DVL1: variants seen among roughly 807,000 people sequenced by gnomAD.
DVL1 encodes the protein segment polarity protein dishevelled homolog DVL-1.
DVL1 carries 49 observed loss-of-function variants against 65.0 expected under a neutral mutation model. The observed-to-expected ratio is 0.75, with a 90% CI of 0.60 to 0.96. DVL1 has a LOEUF of 0.96. DVL1 is among the 40% of genes least tolerant of loss of function. The pLI, the probability that DVL1 is intolerant of heterozygous loss-of-function variation, is 0.00. For missense variants in DVL1, 1,197 were observed against 1,045.4 expected (o/e 1.15, Z -2.00); for synonymous variants, 608 against 433.9 (o/e 1.40, Z -4.99).
At chr1:1,348,826 C>A in intron 1 of DVL1, 70 bp downstream of exon 1, 1 of 1,361,810 alleles carries the variant, frequency 7.3e-7, no homozygotes, top group South Asian at 1.5e-5. Flanking sequence ...GACCCCCGCC[C>A]CGTCCCCGCG....
intron 14 of DVL1, 43 bp from the exon 15 acceptor site, chr1:1,336,558 G>A (rs749563084): frequency 4.0e-6 from 6 of 1,481,506 alleles, no homozygotes; most frequent in East Asian, 4.8e-5. Flanking sequence ...GTCAGCACCA[G>A]GCCCGGCCAC....
rs1643755369 is a variant in DVL1, at chr1:1,340,415, C to T, written c.694G>A (p.Asp232Asn). 6.2e-7 allele frequency: 1 copy of T among 1,610,232 alleles called. No homozygotes were observed. The change falls in exon 6 of 15, where the codon GAC becomes AAC. Residue 232 changes from aspartate (D) to asparagine (N), a missense_variant. Coordinates refer to ENST00000378888, the MANE Select transcript of DVL1 (RefSeq NM_001330311.2). Reference sequence around the variant, plus strand: ...TGCTCCACCCGGCTGCCTACCCGGTCCGCCTGCCGAAGGCGCTGCTTCCTC... The same window carrying T: ...TGCTCCACCCGGCTGCCTACCCGGTTCGCCTGCCGAAGGCGCTGCTTCCTC... ...RRRKQRLRQADRASSFSSITD... is the reference protein window; with the variant it reads ...RRRKQRLRQANRASSFSSITD...
chr1:1,344,757 G>A (rs1557672980), intron 1 of DVL1, among the ~76,000 whole-genome samples: 1 of 152,178 alleles, frequency 6.6e-6, no homozygotes, highest in Non-Finnish European at 1.5e-5. Context: ...AACCCAGGGT[G>A]AGGCGGGCCC....
intron 1 of DVL1, among the ~76,000 whole-genome samples, chr1:1,348,543 T>C (rs1240114737): frequency 6.6e-6 from 1 of 152,052 alleles, no homozygotes; most frequent in African/African-American, 2.4e-5. Context: ...CCTGCTTCCT[T>C]CCCACTGACA....
rs147874931 is a variant in DVL1, at chr1:1,340,350, G to C, written c.700-34C>G. 8.1e-6 allele frequency: 13 copies of C among 1,613,658 alleles called. No homozygotes were observed. In the East Asian group the frequency reaches 8.9e-5, roughly 11 times the overall value. On this transcript the variant is annotated intron_variant, in intron 6 of 14. Coordinates refer to ENST00000378888, the MANE Select transcript of DVL1 (RefSeq NM_001330311.2). ...GAGAGGGGGCGTGTGTAAAAGGCACGGGGCTGCCCGACACTGACTTCGCCT... is the reference window on the plus strand; with the variant it reads ...GAGAGGGGGCGTGTGTAAAAGGCACCGGGCTGCCCGACACTGACTTCGCCT...
In DVL1 at chr1:1,336,496, G is replaced by T; in HGVS notation, c.1734C>A (p.Ser578=). ...QQSEGSKSSG[S]TRSSRRAPGR... is the part of the protein sequence containing the mutation. ...CCGGGGCCCGGCGGCTGCTCCGGGT[G>T]GACCCACTGCTTTTGCTCCCTGGGA... The change falls in exon 15 of 15, where the codon TCC becomes TCA. Residue 578 remains serine, a synonymous_variant. Transcript: ENST00000378888. 2 of 1,526,894 alleles carry T rather than the reference G, an allele frequency of 1.3e-6. No homozygotes were observed. The highest frequency in any genetic ancestry group is 1.7e-6 in the Non-Finnish European group (2 of 1,146,560). 94.6% of individuals were successfully genotyped at this position (1,526,894 alleles called of 1,614,324 possible).
intron 11 of DVL1, among the ~76,000 whole-genome samples, 186 bp downstream of exon 11, chr1:1,339,101 A>G (rs910571292): frequency 6.6e-6 from 1 of 152,198 alleles, no homozygotes; most frequent in African/African-American, 2.4e-5. Context: ...CACACAGACC[A>G]TGAGCAGGAT....
intron 5 of DVL1, among the ~76,000 whole-genome samples, chr1:1,341,151 A>G (rs987952101): frequency 2.1e-5 from 3 of 142,822 alleles, no homozygotes; most frequent in African/African-American, 8.0e-5. Flanking sequence ...GCACACCTTC[A>G]CATACACCTG....
intron 1 of DVL1, among the ~76,000 whole-genome samples, 196 bp downstream of exon 1, chr1:1,348,700 C>T (rs1200279752): frequency 6.6e-6 from 1 of 152,108 alleles, no homozygotes; most frequent in East Asian, 1.9e-4. Flanking sequence ...CGCCTGCCAT[C>T]GCCCCGCTCC....
chr1:1,338,579 C>T lies in DVL1; in HGVS notation c.1282G>A (p.Gly428Arg). ...CACATGCGGTCGCGGATCTCCAGTCCCGAGTCTGGCAGCTGCATGACCCGG... is the reference window on the plus strand; with the variant it reads ...CACATGCGGTCGCGGATCTCCAGTCTCGAGTCTGGCAGCTGCATGACCCGG... ...VVRVMQLPDS[G>R]LEIRDRMWLK... The change falls in exon 12 of 15, where the codon GGA becomes AGA. Residue 428 changes from glycine (G) to arginine (R), a missense_variant. Gly to Arg is a moderately radical substitution (Grantham distance 125). Transcript: ENST00000378888. 6.2e-7 allele frequency: 1 copy of T among 1,612,480 alleles called. No individual in the cohort carries two copies. Among genetic ancestry groups the T allele is most frequent in the Non-Finnish European group, 8.5e-7 (1 of 1,179,870 alleles).
At chr1:1,341,464 A>G (rs1464409969) in intron 5 of DVL1, among the ~76,000 whole-genome samples, 3 of 152,078 alleles carry the variant, frequency 2.0e-5, no homozygotes, top group African/African-American at 7.2e-5. Flanking sequence ...AGGCGCGCAC[A>G]CACGTGCACA....
intron 4 of DVL1, 41 bp from the exon 5 acceptor site, chr1:1,341,846 C>A: frequency 6.5e-7 from 1 of 1,534,580 alleles, no homozygotes; most frequent in Non-Finnish European, 8.8e-7. Context: ...CAGGGTCTCC[C>A]AGAGGTCATG....
Position 1,339,360 on chromosome 1 carries a change from A to G in DVL1, c.1134T>C (p.Gly378=). 1.3e-6 allele frequency: 2 copies of G among 1,548,700 alleles called. No homozygotes were observed. The highest frequency in any genetic ancestry group is 1.7e-6 in the Non-Finnish European group (2 of 1,146,860). ...AALTGALPRY[G]TSPCSSAVTR... ...TGACGGCGCTGGAGCAGGGACTCGT[A>G]CCGTAGCGGGGCAGGGCTCCTGTCA... The change falls in exon 11 of 15, where the codon GGT becomes GGC. Residue 378 remains glycine, a synonymous_variant. Coordinates refer to ENST00000378888, the MANE Select transcript of DVL1 (RefSeq NM_001330311.2).
chr1:1,336,307 G>C lies in DVL1; in HGVS notation c.1923C>G (p.Leu641=). The part of the protein sequence containing the change: ...RSQASATAPG[L]PPPHPTTKAY... ...CCTTGGTCGTGGGGTGGGGCGGGGG[G>C]AGCCCCGGGGCGGTAGCCGAGGCCT... Residue 641 remains leucine (L), a synonymous_variant, in exon 15 of 15, where the codon CTC becomes CTG. Transcript: ENST00000378888. 6.4e-7 allele frequency: 1 copy of C among 1,564,200 alleles called. No individual in the cohort carries two copies. Among genetic ancestry groups the C allele is most frequent in the Non-Finnish European group, 8.6e-7 (1 of 1,161,580 alleles).
At chr1:1,343,518 A>G (rs1438539744) in intron 1 of DVL1, among the ~76,000 whole-genome samples, 1 of 152,028 alleles carries the variant, frequency 6.6e-6, no homozygotes. Context: ...CAAATCCCCC[A>G]GCAGCCTCCT....
intron 4 of DVL1, 82 bp downstream of exon 4, chr1:1,341,971 G>A (rs1557670375): frequency 2.1e-5 from 30 of 1,461,228 alleles, no homozygotes; most frequent in South Asian, 7.8e-5. Flanking sequence ...CTGGGGGACA[G>A]GAACTGCTGT....
At chr1:1,337,910 G>A (rs926561391) in intron 14 of DVL1, 67 bp downstream of exon 14, 3 of 1,288,958 alleles carry the variant, frequency 2.3e-6, no homozygotes, top group African/African-American at 2.9e-5. Context: ...TGGGGGCGGA[G>A]CAGCAGTGGA....
chr1:1,336,574 G>T, intron 14 of DVL1, 59 bp from the exon 15 acceptor site: 1 of 1,470,174 alleles, frequency 6.8e-7, no homozygotes, highest in South Asian at 1.4e-5. Flanking sequence ...GCCACGTCCA[G>T]AACAACCGCC....
intron 14 of DVL1, 154 bp from the exon 15 acceptor site, chr1:1,336,669 C>T (rs558075215): frequency 3.0e-6 from 2 of 676,982 alleles, no homozygotes; most frequent in Non-Finnish European, 3.6e-6. Flanking sequence ...AGGGCCGGCA[C>T]CCCCAGGGTC....
Sources: allele counts gnomAD v4.1 joint callset (sites outside exome capture counted in the v4.1 genomes callset), GRCh38; gene constraint gnomAD v4.1.1; transcripts MANE v1.5; gene names NCBI Gene and HGNC (gene_info 2026-07-23, HGNC 2026-07-21).